The following ACOT12 variants were observed in gnomAD, a reference collection of about 807,000 sequenced individuals.
ACOT12 encodes the protein acetyl-coenzyme A thioesterase.
Under a neutral mutation model 67.7 loss-of-function variants are expected in ACOT12, and 51 were observed. That is an observed-to-expected ratio of 0.75 (90% CI 0.60 to 0.95). ACOT12 has a LOEUF of 0.95. Among genes scored for constraint, ACOT12 ranks in the 40% least tolerant of loss-of-function variants. The pLI, the probability that ACOT12 is intolerant of heterozygous loss-of-function variation, is 0.00. For missense variants in ACOT12, 734 were observed against 708.1 expected, an observed-to-expected ratio of 1.04 and a Z score of -0.41; for synonymous variants, 251 against 244.6, an observed-to-expected ratio of 1.03 and a Z score of -0.24.
At chr5:81,356,545 G>T (rs908159320) in intron 5 of ACOT12, among the ~76,000 whole-genome samples, 1 of 152,090 alleles carries the variant, frequency 6.6e-6, no homozygotes, top group Non-Finnish European at 1.5e-5. Flanking sequence ...CCCAGCTGTG[G>T]TCTCTTCCTT....
chr5:81,309,351 T>G, the ACOT12 span, among the ~76,000 whole-genome samples: 1 of 152,238 alleles, frequency 6.6e-6, no homozygotes, highest in Admixed American at 6.5e-5. Context: ...CAAGCTAATA[T>G]GAGGTTTTTA....
intron 2 of ACOT12, among the ~76,000 whole-genome samples, chr5:81,378,230 T>C (rs978372096): frequency 6.6e-6 from 1 of 152,156 alleles, no homozygotes; most frequent in African/African-American, 2.4e-5. Context: ...AAACAAGCAA[T>C]GGAGAAAGGA....
intron 2 of ACOT12, among the ~76,000 whole-genome samples, chr5:81,375,657 T>G (rs1478473302): frequency 7.2e-6 from 1 of 139,540 alleles, no homozygotes. Context: ...ACCAAGCAAA[T>G]GGAAAGAAAA....
chr5:81,333,128 A>T (rs186087044), intron 12 of ACOT12, among the ~76,000 whole-genome samples: 1 of 152,012 alleles, frequency 6.6e-6, no homozygotes, highest in East Asian at 1.9e-4. Context: ...CAGAAGGAAT[A>T]ATTCTGCAAG....
intron 2 of ACOT12, among the ~76,000 whole-genome samples, chr5:81,377,631 C>A (rs1261185710): frequency 6.6e-6 from 1 of 152,216 alleles, no homozygotes; most frequent in South Asian, 2.1e-4. Context: ...TGATAAGCAA[C>A]TTCAGCAAAG....
At chr5:81,308,771 G>T in the ACOT12 span, 1 of 1,553,822 alleles carries the variant, frequency 6.4e-7, no homozygotes. Flanking sequence ...ATAGCACCTT[G>T]GGTATTTTTT....
chr5:81,310,157 T>TATA, the ACOT12 span, among the ~76,000 whole-genome samples: 1 of 104,776 alleles, frequency 9.5e-6, no homozygotes, highest in Non-Finnish European at 1.8e-5. Context: ...TGACTAGCTG[T>TATA]AAAAAAAAAA....
At chr5:81,311,958 C>G in the ACOT12 span, among the ~76,000 whole-genome samples, 2 of 152,062 alleles carry the variant, frequency 1.3e-5, no homozygotes, top group African/African-American at 2.4e-5. Context: ...TTTTATTTCA[C>G]GTAGTCACAA....
chr5:81,384,881 C>A (rs545801991), intron 2 of ACOT12, among the ~76,000 whole-genome samples: 2 of 152,286 alleles, frequency 1.3e-5, no homozygotes, highest in South Asian at 2.1e-4. Context: ...TTGCGATACA[C>A]TGTACTATCC....
intron 11 of ACOT12, 35 bp downstream of exon 11, chr5:81,342,637 G>A: frequency 6.2e-7 from 1 of 1,605,396 alleles, no homozygotes; most frequent in Non-Finnish European, 8.5e-7. Context: ...TTTGTGATGG[G>A]CGATGGATTA....
rs931486683 is a variant in ACOT12 at position 81,363,881 on chromosome 5, G to A, written c.267C>T (p.Ile89=). Residue 89 remains isoleucine, a synonymous_variant, in exon 4 of 15, where the codon ATC becomes ATT. Transcript: ENST00000307624. ...RAFSTSMEIS[I]KVMVQDMLTG... is the part of the protein sequence containing the mutation. ...TGAGCATATCCTGTACCATGACCTT[G>A]ATACTGATCTAAAATGAAAAAAAGA... 1.0e-5 allele frequency: 16 copies of A among 1,579,798 alleles called. No homozygotes were observed. In the Admixed American group the frequency reaches 1.3e-4, roughly 12 times the overall value.
At chr5:81,370,141 G>A (rs1760203089) in intron 3 of ACOT12, among the ~76,000 whole-genome samples, 1 of 152,106 alleles carries the variant, frequency 6.6e-6, no homozygotes. Context: ...ATTAGTGGTG[G>A]CATGCACCTG....
chr5:81,325,821 GACAGTGTCTC>G (rs1369811010), downstream of ACOT12, among the ~76,000 whole-genome samples: 3 of 152,094 alleles, frequency 2.0e-5, no homozygotes, highest in African/African-American at 4.8e-5. Context: ...TCTTTTTAGA[GACAGTGTCTC>G]ACAGTGTCTC....
the ACOT12 span, among the ~76,000 whole-genome samples, chr5:81,319,647 G>A: frequency 6.6e-6 from 1 of 151,876 alleles, no homozygotes; most frequent in Non-Finnish European, 1.5e-5. Flanking sequence ...AACCCGGGAG[G>A]TGGAGGTTGC....
chr5:81,381,153 G>A (rs866797585), intron 2 of ACOT12, among the ~76,000 whole-genome samples: 3 of 151,488 alleles, frequency 2.0e-5, no homozygotes, highest in South Asian at 4.2e-4. Flanking sequence ...TGCAACCTCC[G>A]CCTCTCAGGT....
intron 1 of ACOT12, among the ~76,000 whole-genome samples, chr5:81,388,742 C>T (rs1175340030): frequency 6.6e-6 from 1 of 152,144 alleles, no homozygotes; most frequent in Non-Finnish European, 1.5e-5. Flanking sequence ...ACCCAAACCT[C>T]ATCTTGAGTT....
intron 5 of ACOT12, among the ~76,000 whole-genome samples, chr5:81,351,599 C>A (rs563636361): frequency 1.3e-3 from 203 of 152,254 alleles, no homozygotes; most frequent in African/African-American, 4.7e-3. Flanking sequence ...ACACAAAAAT[C>A]AAATCAAAAT....
intron 10 of ACOT12, among the ~76,000 whole-genome samples, chr5:81,343,003 G>A (rs923611387): frequency 5.9e-5 from 9 of 152,102 alleles, no homozygotes; most frequent in Admixed American, 5.2e-4. Flanking sequence ...CCAACATGGT[G>A]AAACCCCATT....
At chr5:81,380,441 G>A (rs1394661415) in intron 2 of ACOT12, among the ~76,000 whole-genome samples, 2 of 151,968 alleles carry the variant, frequency 1.3e-5, no homozygotes, top group African/African-American at 4.8e-5. Context: ...GCACGTGCCT[G>A]TAATCTCAGC....
Sources: gnomAD v4.1 joint callset for allele counts (sites outside exome capture counted in the v4.1 genomes callset) on GRCh38, gnomAD v4.1.1 for gene constraint, MANE v1.5 for transcripts, NCBI Gene and HGNC (gene_info 2026-07-23, HGNC 2026-07-21) for gene names.